CACNA2D1: variants seen among roughly 807,000 people sequenced by gnomAD.
CACNA2D1 encodes calcium voltage-gated channel auxiliary subunit alpha2delta 1.
In CACNA2D1, 53 loss-of-function variants were observed where a neutral mutation model predicts 171.5. The ratio of observed to expected loss-of-function variants is 0.31; its 90% CI spans 0.25 to 0.39. CACNA2D1 has a LOEUF of 0.39. Ranked by LOEUF, CACNA2D1 falls within the 10% of genes least tolerant of loss-of-function variation. The pLI, the probability that CACNA2D1 is intolerant of heterozygous loss-of-function variation, is 1.00. For missense variants in CACNA2D1, 903 were observed against 1,299.8 expected (o/e 0.69, Z 4.69); for synonymous variants, 442 against 443.1 (o/e 1.00, Z 0.03).
At chr7:82,030,587 T>G (rs1001498621) in intron 12 of CACNA2D1, among the ~76,000 whole-genome samples, 1 of 151,758 alleles carries the variant, frequency 6.6e-6, no homozygotes, top group African/African-American at 2.4e-5. Context: ...AGTCAAAAAC[T>G]TTTCATTTTT....
At chr7:82,304,606 A>G (rs1031417696) in intron 3 of CACNA2D1, among the ~76,000 whole-genome samples, 1 of 152,240 alleles carries the variant, frequency 6.6e-6, no homozygotes, top group African/African-American at 2.4e-5. Flanking sequence ...CCAGAAGCAG[A>G]AAGACAAATA....
At chr7:82,083,740 T>C (rs1270596578) in intron 7 of CACNA2D1, among the ~76,000 whole-genome samples, 1 of 152,170 alleles carries the variant, frequency 6.6e-6, no homozygotes, top group Non-Finnish European at 1.5e-5. Context: ...GCAGAAGTTA[T>C]ATGGTTTTTA....
chr7:82,388,532 T>A (rs1306655576), intron 1 of CACNA2D1, among the ~76,000 whole-genome samples: 1 of 151,980 alleles, frequency 6.6e-6, no homozygotes, highest in Non-Finnish European at 1.5e-5. Context: ...GACATGAGAG[T>A]GGCAGGAGAA....
chr7:82,343,257 A>G (rs986823209), intron 2 of CACNA2D1: 1 of 152,220 alleles, frequency 6.6e-6, no homozygotes, highest in African/African-American at 2.4e-5. Flanking sequence ...CTTTAGAAGG[A>G]TATTTAGGAA....
At chr7:82,347,326 C>T (rs535159462) in intron 2 of CACNA2D1, among the ~76,000 whole-genome samples, 2 of 151,866 alleles carry the variant, frequency 1.3e-5, no homozygotes, top group Admixed American at 6.6e-5. Context: ...AAGCCCAGGC[C>T]GCAGTGCAGT....
chr7:82,336,468 A>G (rs1818014057), intron 2 of CACNA2D1, among the ~76,000 whole-genome samples: 1 of 152,184 alleles, frequency 6.6e-6, no homozygotes, highest in African/African-American at 2.4e-5. Context: ...CCTAAAAGTG[A>G]CTTATTCACA....
At chr7:82,158,578 G>C (rs1360039149) in intron 4 of CACNA2D1, among the ~76,000 whole-genome samples, 1 of 151,902 alleles carries the variant, frequency 6.6e-6, no homozygotes, top group African/African-American at 2.4e-5. Context: ...ATTACTCATT[G>C]TCCTTTATTT....
At chr7:82,239,083 G>C (rs1214567197) in intron 3 of CACNA2D1, among the ~76,000 whole-genome samples, 2 of 151,986 alleles carry the variant, frequency 1.3e-5, no homozygotes, top group African/African-American at 4.8e-5. Flanking sequence ...TAATGACTGT[G>C]CTTATCTTTA....
chr7:82,260,733 C>G (rs918017210), intron 3 of CACNA2D1, among the ~76,000 whole-genome samples: 17 of 152,118 alleles, frequency 1.1e-4, no homozygotes, highest in African/African-American at 3.9e-4. Context: ...CAGATTTTGT[C>G]TTAAGGGCTT....
intron 18 of CACNA2D1, among the ~76,000 whole-genome samples, chr7:82,002,021 C>CAAAAAAAAAAA (rs35861959): frequency 3.4e-5 from 3 of 89,438 alleles, no homozygotes; most frequent in African/African-American, 4.4e-5. Context: ...ATTGATTTGA[C>CAAAAAAAAAAA]AAAAAAAAAA....
Position 82,007,685 on chromosome 7 carries a change from G to A in CACNA2D1, c.1434C>T (p.Asn478=). 6.5e-7 allele frequency: 1 copy of A among 1,537,354 alleles called. No homozygotes were observed. Among genetic ancestry groups the A allele is most frequent in the South Asian group, 1.1e-5 (1 of 89,308 alleles). ...NITGQFENKT[N]LKNQLILGVM... ...TTATCAATTAACTTTTAACCTTTAA[G>A]TTTGTCTTATTTTCAAATTGGCCGG... The change falls in exon 16 of 39, where the codon AAC becomes AAT. Residue 478 remains asparagine, a synonymous_variant. Transcript: ENST00000356860.
At position 82,167,377 on chromosome 7, in the gene CACNA2D1, G is replaced by A. The variant is rs111536830; in HGVS notation, c.354+3173C>T. 5.4e-3 allele frequency among the ~76,000 whole-genome samples: 828 copies of A among 152,020 alleles called. 1 individual carries two copies. The highest frequency in any genetic ancestry group is 9.8e-3 in the Non-Finnish European group (664 of 67,942). On this transcript the variant is annotated intron_variant, in intron 4 of 38. Transcript: ENST00000356860. ...ACGAATTTGAACTGTATTCTGCTCT[G>A]GTCTTGAAGGATTTATTTAACCTTG... is the stretch of plus-strand genomic sequence containing the variant.
intron 4 of CACNA2D1, among the ~76,000 whole-genome samples, chr7:82,147,412 A>C (rs1793271261): frequency 6.6e-6 from 1 of 152,168 alleles, no homozygotes; most frequent in Admixed American, 6.6e-5. Flanking sequence ...TCAGGCACCA[A>C]ATCTCCCAGA....
intron 12 of CACNA2D1, chr7:82,029,832 A>G (rs1160297336): frequency 6.6e-6 from 1 of 151,874 alleles, no homozygotes; most frequent in Non-Finnish European, 1.5e-5. Flanking sequence ...TATAATATGC[A>G]GTTCCAAGAA....
chr7:82,311,530 CA>C (rs1032715956), intron 3 of CACNA2D1, among the ~76,000 whole-genome samples: 1 of 151,188 alleles, frequency 6.6e-6, no homozygotes. Context: ...TTTCCACAAT[CA>C]AAAAAAAATC....
chr7:82,415,487 G>A (rs1045259722), intron 1 of CACNA2D1, among the ~76,000 whole-genome samples: 12 of 151,754 alleles, frequency 7.9e-5, no homozygotes, highest in East Asian at 1.9e-4. Context: ...CTGAGATCAC[G>A]CCACTGCACT....
At chr7:82,145,664 GCA>G (rs557805253) in intron 4 of CACNA2D1, among the ~76,000 whole-genome samples, 1 of 134,784 alleles carries the variant, frequency 7.4e-6, no homozygotes, top group African/African-American at 2.8e-5. Context: ...TTATATATAT[GCA>G]CATACATACA....
intron 3 of CACNA2D1, among the ~76,000 whole-genome samples, chr7:82,227,997 T>C (rs1464534081): frequency 3.7e-4 from 56 of 152,192 alleles, no homozygotes; most frequent in Admixed American, 3.6e-3. Flanking sequence ...AACAATCCCC[T>C]ACCCTAGAGT....
At chr7:81,958,525 C>T (rs1793711373) in intron 38 of CACNA2D1, among the ~76,000 whole-genome samples, 1 of 151,828 alleles carries the variant, frequency 6.6e-6, no homozygotes, top group Non-Finnish European at 1.5e-5. Context: ...ATTTTAAAAG[C>T]ATAAAGCTAA....
Sources: allele counts gnomAD v4.1 joint callset (sites outside exome capture counted in the v4.1 genomes callset), GRCh38; gene constraint gnomAD v4.1.1; transcripts MANE v1.5; gene names NCBI Gene and HGNC (gene_info 2026-07-23, HGNC 2026-07-21).